FLRT1: variants seen among roughly 807,000 people sequenced by gnomAD.
FLRT1 encodes the protein leucine-rich repeat transmembrane protein FLRT1.
A neutral mutation model predicts 30.9 loss-of-function variants in FLRT1; 14 were observed. The ratio of observed to expected loss-of-function variants is 0.45; its 90% CI spans 0.30 to 0.71. The LOEUF (loss-of-function observed/expected upper bound fraction) is 0.71, where lower values mean the gene tolerates loss of function less well. Ranked by LOEUF, FLRT1 falls within the 30% of genes least tolerant of loss-of-function variation. The pLI, the probability that FLRT1 is intolerant of heterozygous loss-of-function variation, is 0.08. For synonymous variants in FLRT1, 368 were observed against 430.4 expected, an observed-to-expected ratio of 0.85 and a Z score of 1.80; for missense variants, 737 against 949.2, an observed-to-expected ratio of 0.78 and a Z score of 2.94.
At chr11:64,107,491 A>G (rs2248594) in intron 2 of FLRT1, among the ~76,000 whole-genome samples, 152,331 of 152,380 alleles carry the variant, frequency 1, 76,141 homozygotes, top group Middle Eastern at 1. Flanking sequence ...CACCAGCGCC[A>G]CCCAGCCGGC....
intron 1 of FLRT1, among the ~76,000 whole-genome samples, chr11:64,069,988 G>T (rs935370375): frequency 3.3e-5 from 5 of 152,168 alleles, no homozygotes; most frequent in African/African-American, 1.2e-4. Flanking sequence ...CAGAGCAGGG[G>T]GCCAGGAAGC....
At chr11:64,113,784 GACAGGTGCATGCATGATGGATGAATGA>G (rs1370672591) in intron 2 of FLRT1, among the ~76,000 whole-genome samples, 4 of 148,758 alleles carry the variant, frequency 2.7e-5, no homozygotes, top group East Asian at 2.0e-4. Flanking sequence ...TGGATGGATG[GACAGGTGCATGCATGATGGATGAATGA>G]ACAGGTGGAC....
At chr11:64,058,832 C>A (rs547057237) in intron 1 of FLRT1, among the ~76,000 whole-genome samples, 1 of 152,272 alleles carries the variant, frequency 6.6e-6, no homozygotes, top group East Asian at 1.9e-4. Context: ...GTGAAGAGGG[C>A]AGCCGGCAAG....
intron 1 of FLRT1, among the ~76,000 whole-genome samples, chr11:64,046,698 C>T (rs1943590256): frequency 1.3e-5 from 2 of 152,090 alleles, no homozygotes; most frequent in Non-Finnish European, 2.9e-5. Flanking sequence ...AGGGTTTCAC[C>T]ATGTTGGTCA....
At position 64,117,357 on chromosome 11, in the gene FLRT1, C is replaced by T. The variant is rs761256926; in HGVS notation, c.1090C>T (p.Arg364Trp). The change falls in exon 3 of 3, where the codon CGG becomes TGG. Residue 364 changes from arginine to tryptophan, a missense_variant. Physicochemically the swap from Arg to Trp is moderately radical, Grantham distance 101 (BLOSUM62 -3). Coordinates refer to ENST00000682287, the MANE Select transcript of FLRT1 (RefSeq NM_013280.5). ...CATGTGCCAGGGCCCTGAGAAGGTC[C>T]GGGGCATGGCCATCAAGGACATTAC... ...GLMCQGPEKV[R>W]GMAIKDITSE... 3.7e-6 allele frequency: 6 copies of T among 1,613,550 alleles called. No homozygotes were observed. Among genetic ancestry groups the T allele is most frequent in the Non-Finnish European group, 4.2e-6 (5 of 1,179,604 alleles).
Position 64,040,671 on chromosome 11 carries a change from C to T in FLRT1, c.-1038+4512C>T, listed in dbSNP as rs560623743. 1.2e-4 allele frequency among the ~76,000 whole-genome samples: 19 copies of T among 152,272 alleles called. No individual in the cohort carries two copies. In the East Asian group the frequency reaches 2.5e-3, roughly 20 times the overall value. On this transcript the variant is annotated intron_variant, in intron 1 of 2. Transcript: ENST00000682287. Reference sequence around the variant, plus strand: ...GAGACAAATGTGGGCTTGTTTATGACGGGGGCGGTAGCCCTGGGTGGACCG... The same window carrying T: ...GAGACAAATGTGGGCTTGTTTATGATGGGGGCGGTAGCCCTGGGTGGACCG...
chr11:64,101,583 G>T (rs1251948110), intron 1 of FLRT1, among the ~76,000 whole-genome samples: 1 of 152,134 alleles, frequency 6.6e-6, no homozygotes, highest in African/African-American at 2.4e-5. Flanking sequence ...GGAGGCGGAT[G>T]ACCTCACTGG....
chr11:64,115,533 C>T (rs768183875), intron 2 of FLRT1, among the ~76,000 whole-genome samples: 22 of 152,324 alleles, frequency 1.4e-4, no homozygotes, highest in Non-Finnish European at 2.8e-4. Flanking sequence ...TCTGTTGACA[C>T]CTCATTCTTC....
chr11:64,098,733 G>A (rs967239133), intron 1 of FLRT1, among the ~76,000 whole-genome samples: 2 of 152,222 alleles, frequency 1.3e-5, no homozygotes, highest in African/African-American at 4.8e-5. Context: ...GCTCTGACCT[G>A]CTTACAATGA....
At chr11:64,105,654 C>T (rs2134573503) in intron 2 of FLRT1, among the ~76,000 whole-genome samples, 1 of 152,320 alleles carries the variant, frequency 6.6e-6, no homozygotes, top group East Asian at 1.9e-4. Context: ...TGAGTGACCC[C>T]ACAGGCTTGA....
intron 2 of FLRT1, among the ~76,000 whole-genome samples, chr11:64,114,993 C>A (rs1944950968): frequency 6.6e-6 from 1 of 152,042 alleles, no homozygotes; most frequent in African/African-American, 2.4e-5. Flanking sequence ...ATGTTCAGTC[C>A]CTGGGGCATG....
At chr11:64,109,977 G>A (rs1319156481) in intron 2 of FLRT1, among the ~76,000 whole-genome samples, 1 of 152,134 alleles carries the variant, frequency 6.6e-6, no homozygotes, top group African/African-American at 2.4e-5. Flanking sequence ...GCAGAGACTT[G>A]GGGCAGCTTT....
At chr11:64,094,863 G>A (rs1214488022) in intron 1 of FLRT1, among the ~76,000 whole-genome samples, 1 of 152,220 alleles carries the variant, frequency 6.6e-6, no homozygotes, top group Non-Finnish European at 1.5e-5. Context: ...TCCAGGTTGG[G>A]GGGCCCAGGA....
At chr11:64,047,472 G>A (rs1943606625) in intron 1 of FLRT1, among the ~76,000 whole-genome samples, 2 of 152,154 alleles carry the variant, frequency 1.3e-5, no homozygotes, top group African/African-American at 4.8e-5. Flanking sequence ...AGCAGGTGGA[G>A]GAGTGACCAG....
At position 64,116,430 on chromosome 11, in the gene FLRT1, C is replaced by A; in HGVS notation, c.163C>A (p.Pro55Thr). The A allele has an allele frequency of 6.2e-7, 1 of 1,614,054 alleles. No individual in the cohort carries two copies. The highest frequency in any genetic ancestry group is 8.5e-7 in the Non-Finnish European group (1 of 1,180,028). ...LTEVIDSTTCPSVCRCDNGFI... is the reference protein window; with the variant it reads ...LTEVIDSTTCTSVCRCDNGFI... ...GGAGGTCATCGACAGCACCACCTGC[C>A]CCTCGGTGTGCCGCTGCGACAACGG... Residue 55 changes from proline to threonine, a missense_variant, in exon 3 of 3, where the codon CCC becomes ACC. By Grantham distance (38) the Pro-to-Thr change is conservative. Coordinates refer to ENST00000682287, the MANE Select transcript of FLRT1 (RefSeq NM_013280.5).
At position 64,064,523 on chromosome 11, in the gene FLRT1, CGTAT is replaced by C. The variant is rs1170494351; in HGVS notation, c.-1038+28367_-1038+28370del. On this transcript the variant is annotated intron_variant, in intron 1 of 2. Coordinates refer to ENST00000682287, the MANE Select transcript of FLRT1 (RefSeq NM_013280.5). This position sits in a 1 kb window ranked among gnomAD's most constrained non-coding sequence, Gnocchi z 4.5. ...GGCACGCAGGCAGGGTGCATATGTA[CGTAT>C]GTGCCTGGCATGGTCCTTGCCTGAG... Among the ~76,000 whole-genome samples the C allele has an allele frequency of 6.6e-5, 10 of 152,104 alleles. No homozygotes were observed. The highest frequency in any genetic ancestry group is 1.2e-4 in the Non-Finnish European group (8 of 68,008).
chr11:64,102,892 C>T (rs1224790484), intron 1 of FLRT1, among the ~76,000 whole-genome samples: 3 of 151,944 alleles, frequency 2.0e-5, no homozygotes. Flanking sequence ...TATGGTGAAA[C>T]CCCATCTCTA....
intron 1 of FLRT1, among the ~76,000 whole-genome samples, chr11:64,100,398 C>T (rs1308879775): frequency 6.6e-6 from 1 of 152,106 alleles, no homozygotes; most frequent in Non-Finnish European, 1.5e-5. Context: ...AAAATGGAAG[C>T]TTTTATGATG....
At chr11:64,080,157 C>T (rs964839484) in intron 1 of FLRT1, among the ~76,000 whole-genome samples, 23 of 152,142 alleles carry the variant, frequency 1.5e-4, no homozygotes, top group South Asian at 2.1e-4. Flanking sequence ...GGATTACAGG[C>T]GTGCGCCACC....
Sources: allele counts gnomAD v4.1 joint callset (sites outside exome capture counted in the v4.1 genomes callset), GRCh38; gene constraint gnomAD v4.1.1; non-coding constraint Gnocchi (gnomAD v3.1); transcripts MANE v1.5; gene names NCBI Gene and HGNC (gene_info 2026-07-23, HGNC 2026-07-21).